Variants in ACIN1 observed in about 807,000 individuals in gnomAD.
The protein encoded by ACIN1 is apoptotic chromatin condensation inducer 1, also known as apoptotic chromatin condensation inducer in the nucleus.
Under a neutral mutation model 146.6 loss-of-function variants are expected in ACIN1, and 16 were observed. That is an observed-to-expected ratio of 0.11 (90% CI 0.07 to 0.17). ACIN1 has a LOEUF of 0.17. Ranked by LOEUF, ACIN1 falls within the 10% of genes least tolerant of loss-of-function variation. The probability of loss-of-function intolerance (pLI) is 1.00; values close to 1 mark genes in which losing one functional copy is unlikely to be tolerated. For synonymous variants in ACIN1, 569 were observed against 582.7 expected, an observed-to-expected ratio of 0.98 and a Z score of 0.34; for missense variants, 1,357 against 1,609.3, an observed-to-expected ratio of 0.84 and a Z score of 2.68.
At chr14:23,079,332 T>C (rs144756485) in intron 6 of ACIN1, among the ~76,000 whole-genome samples, 2 of 152,174 alleles carry the variant, frequency 1.3e-5, no homozygotes, top group Admixed American at 6.5e-5. Context: ...AAATTCAACA[T>C]TCTATCAAGG....
At chr14:23,071,083 G>A (rs2140081988) in intron 8 of ACIN1, 1 of 1,534,486 alleles carries the variant, frequency 6.5e-7, no homozygotes, top group Non-Finnish European at 8.8e-7. Flanking sequence ...AGGGAGCTAG[G>A]GCGGCGGGGA....
chr14:23,088,849 G>T (rs1462935107), intron 4 of ACIN1, among the ~76,000 whole-genome samples: 1 of 152,148 alleles, frequency 6.6e-6, no homozygotes, highest in Non-Finnish European at 1.5e-5. Flanking sequence ...CCCAAAATCT[G>T]AAATGCTCTG....
rs199754379 is a variant in ACIN1 at position 23,079,830 on chromosome 14, G to A, written c.1505C>T (p.Ala502Val). Residue 502 changes from alanine to valine, a missense_variant, in exon 6 of 19, where the codon GCT (alanine) becomes GTT (valine). Physicochemically the swap from Ala to Val is moderately conservative, Grantham distance 64 (BLOSUM62 0). Around this residue, in one of 4 missense-constraint regions of ACIN1, gnomAD observed 771 missense variants for 746.6 expected, o/e 1.03. Transcript: ENST00000605057. ...PSLEQKEGRR[A>V]SHTLLPSHRL... ...GTGGCTTGGGAGAAGGGTATGAGAA[G>A]CTCTTCTGCCTTCCTTCTGTTCCAA... is the stretch of plus-strand genomic sequence containing the variant. 2.7e-4 allele frequency: 440 copies of A among 1,614,192 alleles called. No individual in the cohort carries two copies. Among genetic ancestry groups the A allele is most frequent in the Middle Eastern group, 1.5e-3 (9 of 6,062 alleles).
chr14:23,075,738 CTT>C (rs1566745195), intron 8 of ACIN1, among the ~76,000 whole-genome samples: 1 of 148,674 alleles, frequency 6.7e-6, no homozygotes, highest in African/African-American at 2.5e-5. Context: ...GAGTTTCGCT[CTT>C]GTTGCCCAGG....
In ACIN1 at chr14:23,061,971, C is replaced by CAAA. The variant is rs57962360; in HGVS notation, c.3099+194_3099+196dup. ...CCTGGGAGACAGCGAGACTCTGTCT[C>CAAA]AAAAAAAAAAAAAAAAAAAAAAGGA... On this transcript the variant is annotated intron_variant, in intron 16 of 18. Coordinates refer to ENST00000605057, the MANE Select transcript of ACIN1 (RefSeq NM_001386863.1). Among the ~76,000 whole-genome samples, 211 of 58,976 alleles carry CAAA rather than the reference C, an allele frequency of 3.6e-3. 3 individuals are homozygous for CAAA. Among genetic ancestry groups the CAAA allele is most frequent in the Middle Eastern group, 7.9e-3 (1 of 126 alleles). The allele number at this position is 58,976 out of a possible 152,430, so 38.7% of individuals were successfully genotyped here. A position where few individuals can be genotyped will look rare whatever the true frequency, so the allele number is the denominator to read the frequency against.
intron 14 of ACIN1, 134 bp from the exon 15 acceptor site, chr14:23,062,657 G>C: frequency 1.2e-6 from 1 of 868,354 alleles, no homozygotes; most frequent in South Asian, 1.6e-5. Flanking sequence ...GAACCTTGCA[G>C]TAAGAATGTG....
chr14:23,071,793 AG>A (rs1454703374), intron 8 of ACIN1, among the ~76,000 whole-genome samples: 10 of 151,168 alleles, frequency 6.6e-5, no homozygotes, highest in Non-Finnish European at 1.3e-4. Context: ...GGGGCAGGGG[AG>A]GGGGCTGGGT....
chr14:23,093,057 T>C lies in ACIN1; in HGVS notation c.204+422A>G, dbSNP rs949135869. Reference sequence around the variant, plus strand: ...GTAATGGTGGGTGACTTACACAGGATTGAACCCTTGGAAAATCTACATCAA... The same window carrying C: ...GTAATGGTGGGTGACTTACACAGGACTGAACCCTTGGAAAATCTACATCAA... On this transcript the variant is annotated intron_variant, in intron 2 of 18. Coordinates refer to ENST00000605057, the MANE Select transcript of ACIN1 (RefSeq NM_001386863.1). Among the ~76,000 whole-genome samples, 7 of 152,250 alleles carry C rather than the reference T, an allele frequency of 4.6e-5. No individual in the cohort carries two copies. The East Asian group carries it at 1.2e-3, about 25-fold the overall frequency.
chr14:23,087,702 G>C (rs892942887), intron 4 of ACIN1, among the ~76,000 whole-genome samples: 1 of 149,820 alleles, frequency 6.7e-6, no homozygotes, highest in African/African-American at 2.5e-5. Flanking sequence ...ATTACCTATA[G>C]AACTAAAAAA....
chr14:23,063,061 A>G lies in ACIN1; in HGVS notation c.2751T>C (p.Asp917=). 6.2e-7 allele frequency: 1 copy of G among 1,611,858 alleles called. No homozygotes were observed. The part of the protein sequence containing the change: ...EHEVKKVTLG[D]TLTRRSISQQ... ...GGCTAATGGAACGTCGAGTTAAGGT[A>G]TCTCCTAAAGTCACTATCAAGAAGA... Residue 917 remains aspartate (D), a synonymous_variant, in exon 14 of 19, where the codon GAT becomes GAC. Transcript: ENST00000605057.
At position 23,067,644 on chromosome 14, in the gene ACIN1, C is replaced by T. The variant is rs2047501323; in HGVS notation, c.2266-1636G>A. ...CTGGCCCTGAAGGGACATCATCTTG[C>T]AGTCCCTGATGAGATGGCCTGTGAG... On this transcript the variant is annotated intron_variant, in intron 9 of 18. Transcript: ENST00000605057. The surrounding 1 kb of genome is among the most constrained non-coding windows in gnomAD (Gnocchi z 4.6). 2 of 985,774 alleles carry T rather than the reference C, an allele frequency of 2.0e-6. No individual in the cohort carries two copies. Among genetic ancestry groups the T allele is most frequent in the African/African-American group, 1.7e-5 (1 of 57,230 alleles). The allele number at this position is 985,774 out of a possible 1,614,324, so 61.1% of individuals were successfully genotyped here.
intron 7 of ACIN1, 85 bp downstream of exon 7, chr14:23,078,730 GACTTA>G (rs2047864959): frequency 2.2e-6 from 3 of 1,362,112 alleles, no homozygotes; most frequent in Non-Finnish European, 3.0e-6. Flanking sequence ...ACCTTGTCCA[GACTTA>G]ACTTTTTAGT....
intron 10 of ACIN1, 35 bp from the exon 11 acceptor site, chr14:23,064,523 T>A: frequency 6.2e-7 from 1 of 1,609,748 alleles, no homozygotes; most frequent in Non-Finnish European, 8.5e-7. Flanking sequence ...AGTTAGATGG[T>A]CTCAGGACCT....
Position 23,059,493 on chromosome 14 carries a change from G to C in ACIN1, c.3526-19C>G, listed in dbSNP as rs1188842318. 1 of 1,606,248 alleles carries C rather than the reference G, an allele frequency of 6.2e-7. No individual in the cohort carries two copies. The highest frequency in any genetic ancestry group is 8.5e-7 in the Non-Finnish European group (1 of 1,174,176). On this transcript the variant is annotated intron_variant, in intron 18 of 18. Coordinates refer to ENST00000605057, the MANE Select transcript of ACIN1 (RefSeq NM_001386863.1). Reference sequence around the variant, plus strand: ...GAACGATCTGTAGCCAGGTAGGAAAGGCAGAGAATAGGCAGCTCAGTCCTG... The same window carrying C: ...GAACGATCTGTAGCCAGGTAGGAAACGCAGAGAATAGGCAGCTCAGTCCTG...
intron 9 of ACIN1, 194 bp downstream of exon 9, chr14:23,069,282 G>A (rs1361066443): frequency 2.4e-6 from 3 of 1,260,124 alleles, no homozygotes; most frequent in East Asian, 3.1e-5. Context: ...GAAAATGAAT[G>A]AGCCCTGTCC....
chr14:23,091,417 G>A (rs1337063343), intron 2 of ACIN1, among the ~76,000 whole-genome samples: 1 of 151,872 alleles, frequency 6.6e-6, no homozygotes, highest in Non-Finnish European at 1.5e-5. Flanking sequence ...TCAGCAACAT[G>A]GCAAAACCCG....
chr14:23,089,853 T>A (rs2048182420), intron 4 of ACIN1, 129 bp downstream of exon 4: 1 of 1,264,662 alleles, frequency 7.9e-7, no homozygotes, highest in Non-Finnish European at 1.0e-6. Flanking sequence ...GAAACAGATG[T>A]CAAATATCAA....
At position 23,090,111 on chromosome 14, in the gene ACIN1, A is replaced by G; in HGVS notation, c.317-10T>C. 1 of 1,613,230 alleles carries G rather than the reference A, an allele frequency of 6.2e-7. No homozygotes were observed. The highest frequency in any genetic ancestry group is 8.5e-7 in the Non-Finnish European group (1 of 1,179,442). On this transcript the variant is annotated splice_polypyrimidine_tract_variant and intron_variant, in intron 3 of 18. Coordinates refer to ENST00000605057, the MANE Select transcript of ACIN1 (RefSeq NM_001386863.1). ...GACTCAGCTGAAGCTTCTGCAAAGTACAGATCGGGTCGGGGCAGGGAGGGA... is the reference window on the plus strand; with the variant it reads ...GACTCAGCTGAAGCTTCTGCAAAGTGCAGATCGGGTCGGGGCAGGGAGGGA...
chr14:23,078,761 A>T, intron 7 of ACIN1, 59 bp downstream of exon 7: 1 of 1,546,754 alleles, frequency 6.5e-7, no homozygotes, highest in Non-Finnish European at 8.8e-7. Flanking sequence ...AGCAAAGACA[A>T]GAGGGAAGAT....
Sources: allele counts gnomAD v4.1 joint callset (sites outside exome capture counted in the v4.1 genomes callset), GRCh38; gene constraint gnomAD v4.1.1; regional missense constraint gnomAD v4.1.1; non-coding constraint Gnocchi (gnomAD v3.1); transcripts MANE v1.5; gene names NCBI Gene and HGNC (gene_info 2026-07-23, HGNC 2026-07-21).